Variants in POMZP3 observed in about 807,000 individuals in gnomAD.
The protein encoded by POMZP3 is POM121 and ZP3 fusion protein.
In POMZP3, 10 loss-of-function variants were observed where a neutral mutation model predicts 19.8. That is an observed-to-expected ratio of 0.51 (90% CI 0.31 to 0.86). POMZP3 has a LOEUF of 0.86. Ranked by LOEUF, POMZP3 falls within the 40% of genes least tolerant of loss-of-function variation. The pLI is 0.04. For missense variants in POMZP3, 152 were observed against 228.1 expected (o/e 0.67, Z 2.15); for synonymous variants, 57 against 85.8 (o/e 0.66, Z 1.85).
At chr7:76,610,385 T>G (rs923732587) in intron 6 of POMZP3, among the ~76,000 whole-genome samples, 170 bp from the exon 7 acceptor site, 10 of 152,116 alleles carry the variant, frequency 6.6e-5, no homozygotes, top group Non-Finnish European at 1.5e-4. Flanking sequence ...GTGTGATGGC[T>G]TATGCCTGTA....
chr7:76,618,478 T>C (rs1815371026), intron 3 of POMZP3, 178 bp from the exon 4 acceptor site: 2 of 899,120 alleles, frequency 2.2e-6, no homozygotes, highest in African/African-American at 1.7e-5. Flanking sequence ...AAAAATTAGC[T>C]GGGTGCAGCA....
At chr7:76,626,355 T>C (rs1022516246) in intron 1 of POMZP3, 140 bp from the exon 2 acceptor site, 3 of 844,476 alleles carry the variant, frequency 3.6e-6, no homozygotes, top group African/African-American at 1.7e-5. Flanking sequence ...GTTGTTTTTA[T>C]GGCAACTTTC....
rs190009042 is a variant in POMZP3, at chr7:76,621,722, C to T, written c.228-3422G>A. Among the ~76,000 whole-genome samples the T allele has an allele frequency of 5.9e-3, 893 of 151,672 alleles. 13 individuals are homozygous for T. The highest frequency in any genetic ancestry group is 0.021 in the African/African-American group (857 of 41,342). ...TTGGGAGGCTGAGGCGGGCGGATCA[C>T]GAGGTCAGGAGATCGAGACCATCCT... On this transcript the variant is annotated intron_variant, in intron 3 of 6. Coordinates refer to ENST00000310842, the MANE Select transcript of POMZP3 (RefSeq NM_012230.5).
At position 76,627,227 on chromosome 7, in the gene POMZP3, C is replaced by CCAGCCGCCG. The variant is rs1392098748; in HGVS notation, c.-680_-672dup. On this transcript the variant is annotated 5_prime_UTR_variant, in exon 1 of 7. Coordinates refer to ENST00000310842, the MANE Select transcript of POMZP3 (RefSeq NM_012230.5). ...TATCGGCCGCCGCCGCTCGCCTGCT[C>CCAGCCGCCG]CAGCCGCCGCAGCCGCCGGAGACAT... The CCAGCCGCCG allele has an allele frequency of 7.9e-4, 1,121 of 1,413,384 alleles. 33 individuals are homozygous for CCAGCCGCCG. In the African/African-American group the frequency reaches 0.014, roughly 17 times the overall value. 87.6% of individuals were successfully genotyped at this position (1,413,384 alleles called of 1,614,324 possible).
intron 3 of POMZP3, among the ~76,000 whole-genome samples, chr7:76,622,374 GTTTTTTT>G (rs757086256): frequency 3.2e-5 from 2 of 62,792 alleles, no homozygotes; most frequent in Non-Finnish European, 3.0e-5. Flanking sequence ...TCATTCTCAA[GTTTTTTT>G]TTTTTTTTTT....
chr7:76,621,693 C>T lies in POMZP3; in HGVS notation c.228-3393G>A, dbSNP rs557600012. 3.8e-3 allele frequency among the ~76,000 whole-genome samples: 570 copies of T among 151,886 alleles called. 2 individuals carry two copies. The highest frequency in any genetic ancestry group is 0.013 in the African/African-American group (534 of 41,434). On this transcript the variant is annotated intron_variant, in intron 3 of 6. Transcript: ENST00000310842. The stretch of plus-strand genomic sequence containing the variant: ...CGGTGGCTCACGCCTGTAATCCCAG[C>T]ACTTTGGGAGGCTGAGGCGGGCGGA...
chr7:76,620,377 A>G (rs1462789227), intron 3 of POMZP3, among the ~76,000 whole-genome samples: 1 of 116,688 alleles, frequency 8.6e-6, no homozygotes, highest in Non-Finnish European at 1.8e-5. Flanking sequence ...GGTATGGGGT[A>G]GAGGGTATTT....
rs890083453 is a variant in POMZP3 at position 76,625,456 on chromosome 7, T to C, written c.227+66A>G. 4 of 1,598,350 alleles carry C rather than the reference T, an allele frequency of 2.5e-6. No homozygotes were observed. In the African/African-American group the frequency reaches 4.0e-5, roughly 16 times the overall value. ...GGTGGCCTCTGTATCTTTACGGGAA[T>C]GTCTACATCTCATCCCATAGGAGTC... On this transcript the variant is annotated intron_variant, in intron 3 of 6. Coordinates refer to ENST00000310842, the MANE Select transcript of POMZP3 (RefSeq NM_012230.5).
At chr7:76,610,748 G>A (rs1358297916) in intron 6 of POMZP3, among the ~76,000 whole-genome samples, 8 of 148,354 alleles carry the variant, frequency 5.4e-5, no homozygotes, top group Non-Finnish European at 1.2e-4. Context: ...CATCTTTTTT[G>A]TAGAGACAGG....
intron 3 of POMZP3, 125 bp downstream of exon 3, chr7:76,625,397 A>G: frequency 6.7e-7 from 1 of 1,498,124 alleles, no homozygotes; most frequent in South Asian, 1.2e-5. Flanking sequence ...CATGAAAGCC[A>G]AAGAAGGAGG....
At chr7:76,613,533 G>A (rs1470001584) in intron 4 of POMZP3, among the ~76,000 whole-genome samples, 5 of 56,066 alleles carry the variant, frequency 8.9e-5, no homozygotes, top group Middle Eastern at 0.019. Context: ...TTTCTGAGAC[G>A]GAGTCTGTCT....
chr7:76,620,860 C>CTTTTTTTTTTT (rs752303123), intron 3 of POMZP3, among the ~76,000 whole-genome samples: 3 of 100,266 alleles, frequency 3.0e-5, no homozygotes, highest in African/African-American at 4.4e-5. Context: ...GCTGTAAAGC[C>CTTTTTTTTTTT]ATTTTTTTTT....
At chr7:76,626,301 A>G in intron 1 of POMZP3, 86 bp from the exon 2 acceptor site, 1 of 1,289,218 alleles carries the variant, frequency 7.8e-7, no homozygotes, top group Non-Finnish European at 1.1e-6. Context: ...CAGTTAAGAC[A>G]TTTTCCAAAG....
intron 3 of POMZP3, among the ~76,000 whole-genome samples, chr7:76,622,756 G>A (rs1254811466): frequency 7.2e-5 from 11 of 151,836 alleles, no homozygotes; most frequent in Non-Finnish European, 7.4e-5. Flanking sequence ...GCTCACTGCA[G>A]CCTGGAACTC....
chr7:76,623,985 T>TA (rs1165121364), intron 3 of POMZP3, among the ~76,000 whole-genome samples: 1 of 144,268 alleles, frequency 6.9e-6, no homozygotes, highest in Admixed American at 7.1e-5. Context: ...AGAAGGCCAG[T>TA]AAGTAGGAGA....
In POMZP3 at chr7:76,625,017, C is replaced by T. The variant is rs12669037; in HGVS notation, c.227+505G>A. Among the ~76,000 whole-genome samples, 27 of 150,754 alleles carry T rather than the reference C, an allele frequency of 1.8e-4. 2 individuals carry two copies. In the East Asian group the frequency reaches 5.2e-3, roughly 29 times the overall value. On this transcript the variant is annotated intron_variant, in intron 3 of 6. Transcript: ENST00000310842. ...GCATGGTGGCGGGCGCCTGTAGTCC[C>T]AGCTACTCGGGAGGCTGAGGCAGGA...
chr7:76,626,211 G>A lies in POMZP3; in HGVS notation c.-147C>T. 3.9e-6 allele frequency: 6 copies of A among 1,552,332 alleles called. No homozygotes were observed. Among genetic ancestry groups the A allele is most frequent in the Admixed American group, 2.0e-5 (1 of 51,218 alleles). The stretch of plus-strand genomic sequence containing the variant: ...ACAAACCGATCTGGTAAAGTCCCAC[G>A]ATCCCTGCAGAGAATGCGAGACAAA... On this transcript the variant is annotated 5_prime_UTR_variant, in exon 2 of 7. Transcript: ENST00000310842.
chr7:76,622,114 C>G (rs1160073149), intron 3 of POMZP3, among the ~76,000 whole-genome samples: 2 of 145,940 alleles, frequency 1.4e-5, no homozygotes, highest in African/African-American at 5.1e-5. Context: ...AGGAAGTTAC[C>G]CTATGTGGTC....
At chr7:76,622,939 A>T (rs1436009431) in intron 3 of POMZP3, among the ~76,000 whole-genome samples, 1 of 151,244 alleles carries the variant, frequency 6.6e-6, no homozygotes. Flanking sequence ...TAGCTGGATC[A>T]TATCTCACTG....
Sources: gnomAD v4.1 joint callset for allele counts (sites outside exome capture counted in the v4.1 genomes callset) on GRCh38, gnomAD v4.1.1 for gene constraint, MANE v1.5 for transcripts, NCBI Gene and HGNC (gene_info 2026-07-23, HGNC 2026-07-21) for gene names.